Variants in SERPINB11 observed in about 807,000 individuals in gnomAD.
SERPINB11 encodes the protein serpin family B member 11, also known as serpin B11.
A neutral mutation model predicts 36.7 loss-of-function variants in SERPINB11; 32 were observed. That is an observed-to-expected ratio of 0.87 (90% CI 0.66 to 1.17). The LOEUF (loss-of-function observed/expected upper bound fraction) is 1.17. Among genes scored for constraint, SERPINB11 ranks in the 50% most tolerant of loss-of-function variants. SERPINB11 has a pLI of 0.00. For synonymous variants in SERPINB11, 174 were observed against 168.1 expected (o/e 1.04, Z -0.27); for missense variants, 528 against 458.4 (o/e 1.15, Z -1.39).
intron 2 of SERPINB11, 143 bp downstream of exon 2, chr18:63,710,504 A>G (rs1598961011): frequency 1.6e-6 from 1 of 631,470 alleles, no homozygotes. Flanking sequence ...CATATTTCTT[A>G]AAAATTGATA....
intron 4 of SERPINB11, among the ~76,000 whole-genome samples, chr18:63,715,156 G>A (rs749892144): frequency 3.3e-5 from 5 of 152,134 alleles, no homozygotes; most frequent in African/African-American, 7.2e-5. Flanking sequence ...TCAAAGTCTT[G>A]TATTGTTCTA....
chr18:63,720,283 A>G, intron 6 of SERPINB11, 128 bp downstream of exon 6: 3 of 827,430 alleles, frequency 3.6e-6, no homozygotes, highest in South Asian at 3.5e-5. Context: ...TTTTTATTGT[A>G]TTTTCTACAG....
intron 7 of SERPINB11, 132 bp from the exon 8 acceptor site, chr18:63,722,863 A>C: frequency 1.2e-6 from 1 of 859,604 alleles, no homozygotes; most frequent in Non-Finnish European, 1.7e-6. Flanking sequence ...TTCCCAGGTA[A>C]GTAGACTGTA....
intron 1 of SERPINB11, among the ~76,000 whole-genome samples, chr18:63,707,690 T>C (rs1366702586): frequency 6.6e-6 from 1 of 152,250 alleles, no homozygotes; most frequent in Non-Finnish European, 1.5e-5. Flanking sequence ...ATTATGTGCA[T>C]ACCAGCATAT....
At chr18:63,715,926 G>A (rs8085655) in intron 4 of SERPINB11, 109 bp from the exon 5 acceptor site, 213,269 of 596,414 alleles carry the variant, frequency 0.36, 40,983 homozygotes, top group East Asian at 0.6. Context: ...ACTTGTTTAT[G>A]GGAACTGCTT....
At chr18:63,713,746 C>T (rs931167376) in intron 4 of SERPINB11, among the ~76,000 whole-genome samples, 8 of 152,100 alleles carry the variant, frequency 5.3e-5, no homozygotes, top group African/African-American at 1.9e-4. Context: ...AGCTGGTATG[C>T]CCGCTCTCTT....
intron 2 of SERPINB11, among the ~76,000 whole-genome samples, 197 bp downstream of exon 2, chr18:63,710,558 A>G (rs544688761): frequency 6.6e-6 from 1 of 152,380 alleles, no homozygotes; most frequent in Admixed American, 6.5e-5. Context: ...ACAATGTAAT[A>G]CAAGCAACGT....
chr18:63,714,731 C>T (rs1311560145), intron 4 of SERPINB11, among the ~76,000 whole-genome samples: 2 of 152,102 alleles, frequency 1.3e-5, no homozygotes, highest in Non-Finnish European at 2.9e-5. Context: ...TTATCCTGTT[C>T]TTTTTTCAAG....
At position 63,723,526 on chromosome 18, in the gene SERPINB11, T is replaced by C. The variant is rs937386087; in HGVS notation, c.*127T>C. 4.3e-5 allele frequency: 35 copies of C among 811,996 alleles called. No homozygotes were observed. Among genetic ancestry groups the C allele is most frequent in the African/African-American group, 3.6e-4 (21 of 58,916 alleles). 50.3% of individuals were successfully genotyped at this position (811,996 alleles called of 1,614,324 possible). On this transcript the variant is annotated 3_prime_UTR_variant, in exon 8 of 8. Transcript: ENST00000544088. The stretch of plus-strand genomic sequence containing the variant: ...TGCCTCAGTTTGCTCATCTGCAAAA[T>C]AGGTCTAGGATTTCTTCCAACCATT...
chr18:63,703,511 T>C (rs1159597141), intron 1 of SERPINB11, among the ~76,000 whole-genome samples: 2 of 152,212 alleles, frequency 1.3e-5, no homozygotes, highest in Non-Finnish European at 2.9e-5. Context: ...AATATAATGG[T>C]TTATGTTTAT....
chr18:63,711,328 T>G lies in SERPINB11; in HGVS notation c.169-7T>G, dbSNP rs1342308683. The G allele has an allele frequency of 6.2e-7, 1 of 1,605,406 alleles. No homozygotes were observed. Among genetic ancestry groups the G allele is most frequent in the African/African-American group, 1.3e-5 (1 of 74,728 alleles). On this transcript the variant is annotated splice_region_variant and splice_polypyrimidine_tract_variant and intron_variant, in intron 2 of 7. Coordinates refer to ENST00000544088, the MANE Select transcript of SERPINB11 (RefSeq NM_001370475.1). ...ATGCCAAAAGATCCCTTTTTTTTCTTTTCTAGGTGCTTCATTTTAGTCATA... is the reference window on the plus strand; with the variant it reads ...ATGCCAAAAGATCCCTTTTTTTTCTGTTCTAGGTGCTTCATTTTAGTCATA...
chr18:63,711,315 C>T lies in SERPINB11; in HGVS notation c.169-20C>T, dbSNP rs1466612834. Reference sequence around the variant, plus strand: ...TACATTGCTTCTGATGCCAAAAGATCCCTTTTTTTTCTTTTCTAGGTGCTT... The same window carrying T: ...TACATTGCTTCTGATGCCAAAAGATTCCTTTTTTTTCTTTTCTAGGTGCTT... On this transcript the variant is annotated intron_variant, in intron 2 of 7. Transcript: ENST00000544088. 6.3e-6 allele frequency: 10 copies of T among 1,581,992 alleles called. No individual in the cohort carries two copies. Among genetic ancestry groups the T allele is most frequent in the African/African-American group, 1.3e-5 (1 of 74,196 alleles).
At chr18:63,713,054 T>A (rs1003826074) in intron 4 of SERPINB11, among the ~76,000 whole-genome samples, 3 of 152,214 alleles carry the variant, frequency 2.0e-5, no homozygotes, top group African/African-American at 7.2e-5. Flanking sequence ...GAAATTACAT[T>A]GGACTGTGAG....
At chr18:63,721,058 T>A (rs1375638975) in intron 7 of SERPINB11, 72 bp downstream of exon 7, 1 of 1,295,194 alleles carries the variant, frequency 7.7e-7, no homozygotes, top group Non-Finnish European at 1.1e-6. Flanking sequence ...ACAGACACAC[T>A]GTGTATCTCA....
At chr18:63,716,211 T>C in intron 5 of SERPINB11, 59 bp downstream of exon 5, 1 of 1,090,848 alleles carries the variant, frequency 9.2e-7, no homozygotes, top group Non-Finnish European at 1.4e-6. Flanking sequence ...GCAACCTGAG[T>C]CCACTTGCTA....
At chr18:63,716,202 C>T (rs1189040946) in intron 5 of SERPINB11, 50 bp downstream of exon 5, 2 of 1,174,636 alleles carry the variant, frequency 1.7e-6, no homozygotes, top group Non-Finnish European at 2.5e-6. Context: ...TGTTGATAAG[C>T]AACCTGAGTC....
At chr18:63,714,543 A>G (rs1032947747) in intron 4 of SERPINB11, among the ~76,000 whole-genome samples, 2 of 152,078 alleles carry the variant, frequency 1.3e-5, no homozygotes, top group Non-Finnish European at 2.9e-5. Context: ...CAGAGCAGCC[A>G]TTTCAGAGAC....
intron 1 of SERPINB11, among the ~76,000 whole-genome samples, chr18:63,704,734 C>A (rs1342992268): frequency 6.6e-6 from 1 of 152,190 alleles, no homozygotes; most frequent in Non-Finnish European, 1.5e-5. Context: ...GTGAGGCGAA[C>A]ATCATCACTC....
chr18:63,720,304 T>C (rs1914775180), intron 6 of SERPINB11, 149 bp downstream of exon 6: 2 of 735,074 alleles, frequency 2.7e-6, no homozygotes. Flanking sequence ...ATTTTCATTT[T>C]TCCTTTATTA....
Sources: allele counts gnomAD v4.1 joint callset (sites outside exome capture counted in the v4.1 genomes callset), GRCh38; gene constraint gnomAD v4.1.1; transcripts MANE v1.5; gene names NCBI Gene and HGNC (gene_info 2026-07-23, HGNC 2026-07-21).